Variants in ADGRV1 observed in about 807,000 individuals in gnomAD.
ADGRV1 encodes the protein adhesion G protein-coupled receptor V1.
ADGRV1 carries 359 observed loss-of-function variants against 596.2 expected under a neutral mutation model. That is an observed-to-expected ratio of 0.60 (90% CI 0.55 to 0.66). The LOEUF (loss-of-function observed/expected upper bound fraction) is 0.66, where lower values mean the gene tolerates loss of function less well. Among genes scored for constraint, ADGRV1 ranks in the 30% least tolerant of loss-of-function variants. ADGRV1 has a pLI of 0.00. For missense variants in ADGRV1, 7,274 were observed against 7,575.6 expected (o/e 0.96, Z 1.48); for synonymous variants, 2,681 against 2,679.2 (o/e 1.00, Z -0.02).
chr5:90,672,935 A>T, intron 22 of ADGRV1: 1 of 458,446 alleles, frequency 2.2e-6, no homozygotes. Context: ...TTTGTACAGA[A>T]CTTTATCATG....
intron 85 of ADGRV1, among the ~76,000 whole-genome samples, chr5:91,046,553 A>G (rs1353375578): frequency 6.6e-6 from 1 of 152,204 alleles, no homozygotes; most frequent in Non-Finnish European, 1.5e-5. Context: ...TTGAAACTAT[A>G]AAAATTCTAG....
chr5:90,813,764 T>C (rs1004565541), intron 74 of ADGRV1, among the ~76,000 whole-genome samples: 1 of 152,220 alleles, frequency 6.6e-6, no homozygotes, highest in Non-Finnish European at 1.5e-5. Context: ...TTCTTAATAA[T>C]ATTTCTCACT....
intron 83 of ADGRV1, among the ~76,000 whole-genome samples, chr5:90,923,993 G>C (rs1421348404): frequency 6.6e-6 from 1 of 151,688 alleles, no homozygotes; most frequent in African/African-American, 2.4e-5. Context: ...GTATTCCATG[G>C]TGTATATGTG....
rs775289244 is a variant in ADGRV1 at position 90,781,616 on chromosome 5, C to T, written c.13231+38C>T. 21 of 1,561,188 alleles carry T rather than the reference C, an allele frequency of 1.3e-5. No homozygotes were observed. The South Asian group carries it at 2.1e-4, about 15-fold the overall frequency. On this transcript the variant is annotated intron_variant, in intron 65 of 89. Transcript: ENST00000405460. ...AGCTAGCTTGTAAGTAAGTTTACTA[C>T]CACTTTCCAAATTACATTAGTTTGA...
chr5:90,802,356 C>G (rs1002738109), intron 70 of ADGRV1, among the ~76,000 whole-genome samples: 3 of 152,148 alleles, frequency 2.0e-5, no homozygotes, highest in African/African-American at 4.8e-5. Context: ...GCTGGGACCA[C>G]AGGTTTGCAC....
At position 90,725,176 on chromosome 5, in the gene ADGRV1, G is replaced by A; in HGVS notation, c.9997G>A (p.Glu3333Lys). The A allele has an allele frequency of 1.9e-6, 3 of 1,551,924 alleles. No homozygotes were observed. The highest frequency in any genetic ancestry group is 2.6e-6 in the Non-Finnish European group (3 of 1,144,588). ...FVITHEERNE[E>K]KPSLNSVFTF... ...GATTACTCATGAAGAAAGAAATGAA[G>A]AAAAGCCTTCTCTTAACAGTGTGTT... The change falls in exon 47 of 90, where the codon GAA becomes AAA. Residue 3333 changes from glutamate (E) to lysine (K), a missense_variant. This residue lies in a region of ADGRV1 where 3,643 missense variants were observed against 3,809.2 expected (regional missense o/e 0.96). Coordinates refer to ENST00000405460, the MANE Select transcript of ADGRV1 (RefSeq NM_032119.4).
intron 86 of ADGRV1, among the ~76,000 whole-genome samples, chr5:91,076,250 C>G (rs148333678): frequency 1.3e-5 from 2 of 152,266 alleles, no homozygotes; most frequent in East Asian, 1.9e-4. Context: ...GGAATTGCCT[C>G]TTTATGGAAT....
chr5:90,707,747 G>A (rs1283682187), intron 38 of ADGRV1, among the ~76,000 whole-genome samples: 1 of 152,092 alleles, frequency 6.6e-6, no homozygotes, highest in Non-Finnish European at 1.5e-5. Flanking sequence ...TCTCTGAGGA[G>A]TCTAGATTTT....
intron 83 of ADGRV1, among the ~76,000 whole-genome samples, chr5:90,896,964 G>C (rs1193699456): frequency 2.6e-5 from 4 of 152,178 alleles, no homozygotes; most frequent in Non-Finnish European, 5.9e-5. Context: ...AGACCATGAA[G>C]TCCCACAAAG....
intron 83 of ADGRV1, among the ~76,000 whole-genome samples, chr5:90,876,491 G>A (rs1274237155): frequency 6.6e-6 from 1 of 152,190 alleles, no homozygotes; most frequent in African/African-American, 2.4e-5. Context: ...GGAAGCCAGA[G>A]TAGCTGAATT....
At chr5:90,914,669 C>T (rs1052765922) in intron 83 of ADGRV1, among the ~76,000 whole-genome samples, 2 of 152,058 alleles carry the variant, frequency 1.3e-5, no homozygotes, top group African/African-American at 4.8e-5. Flanking sequence ...TTGATTTTTA[C>T]TTGCCAGCAG....
chr5:90,721,080 G>A, intron 45 of ADGRV1, 21 bp downstream of exon 45: 1 of 1,600,982 alleles, frequency 6.2e-7, no homozygotes, highest in Non-Finnish European at 8.5e-7. Flanking sequence ...TTTCTTATGA[G>A]AACAAAATTC....
intron 84 of ADGRV1, among the ~76,000 whole-genome samples, chr5:90,967,950 A>G (rs921802995): frequency 6.6e-6 from 1 of 152,218 alleles, no homozygotes; most frequent in African/African-American, 2.4e-5. Context: ...GTTGTAATTT[A>G]CAAAATTCAG....
Position 90,799,502 on chromosome 5 carries a change from C to T in ADGRV1, c.14518-3237C>T, listed in dbSNP as rs867652861. On this transcript the variant is annotated intron_variant, in intron 70 of 89. Transcript: ENST00000405460. The stretch of plus-strand genomic sequence containing the variant: ...TAATATCGTTAAAATGGCCATACTG[C>T]CCAAAGTAATTTATAGATTCAGTGC... 1.8e-4 allele frequency among the ~76,000 whole-genome samples: 28 copies of T among 152,260 alleles called. 1 individual carries two copies. The highest frequency in any genetic ancestry group is 6.8e-3 in the Middle Eastern group (2 of 294).
intron 27 of ADGRV1, among the ~76,000 whole-genome samples, chr5:90,683,006 A>G (rs564854921): frequency 6.6e-6 from 1 of 152,356 alleles, no homozygotes; most frequent in South Asian, 2.1e-4. Context: ...CACCATTTAT[A>G]CATTCCTTGC....
At chr5:91,061,857 T>C (rs1441913097) in intron 85 of ADGRV1, among the ~76,000 whole-genome samples, 4 of 152,236 alleles carry the variant, frequency 2.6e-5, no homozygotes, top group Non-Finnish European at 5.9e-5. Flanking sequence ...AGCAATGTTG[T>C]TTAAAGAATA....
chr5:90,783,092 G>T (rs1264941864), intron 65 of ADGRV1, 32 bp from the exon 66 acceptor site: 1 of 1,581,954 alleles, frequency 6.3e-7, no homozygotes, highest in Non-Finnish European at 8.7e-7. Context: ...GCTCTGTCTG[G>T]CTTACCAATT....
chr5:90,912,107 T>C (rs1231098420), intron 83 of ADGRV1, among the ~76,000 whole-genome samples: 3 of 152,128 alleles, frequency 2.0e-5, no homozygotes, highest in Admixed American at 2.0e-4. Flanking sequence ...CGGTAAGTAC[T>C]TCATGAATAT....
At chr5:91,081,504 C>A (rs1789375559) in intron 86 of ADGRV1, among the ~76,000 whole-genome samples, 1 of 152,162 alleles carries the variant, frequency 6.6e-6, no homozygotes, top group Admixed American at 6.5e-5. Flanking sequence ...AAATCAGGAG[C>A]TGGGCATGGT....
Sources: gnomAD v4.1 joint callset for allele counts (sites outside exome capture counted in the v4.1 genomes callset) on GRCh38, gnomAD v4.1.1 for gene constraint, gnomAD v4.1.1 regional missense constraint, MANE v1.5 for transcripts, NCBI Gene and HGNC (gene_info 2026-07-23, HGNC 2026-07-21) for gene names.